The following EDIL3 variants were observed in gnomAD, a reference collection of about 807,000 sequenced individuals.
EDIL3 encodes the protein EGF-like repeat and discoidin I-like domain-containing protein 3.
EDIL3 carries 37 observed loss-of-function variants against 67.4 expected under a neutral mutation model. The ratio of observed to expected loss-of-function variants is 0.55; its 90% confidence interval spans 0.42 to 0.72. The LOEUF is 0.72. Ranked by LOEUF, EDIL3 falls within the 30% of genes least tolerant of loss-of-function variation. The pLI is 0.00. For missense variants in EDIL3, 527 were observed against 586.3 expected, an observed-to-expected ratio of 0.90 and a Z score of 1.04; for synonymous variants, 195 against 196.3, an observed-to-expected ratio of 0.99 and a Z score of 0.05.
intron 6 of EDIL3, among the ~76,000 whole-genome samples, chr5:84,082,670 ATT>A (rs919761218): frequency 6.6e-6 from 1 of 152,218 alleles, no homozygotes; most frequent in Non-Finnish European, 1.5e-5. Context: ...ATTAAATCTC[ATT>A]GTCACATTGA....
chr5:84,067,719 C>T (rs1340408756), intron 6 of EDIL3, among the ~76,000 whole-genome samples: 4 of 152,096 alleles, frequency 2.6e-5, no homozygotes, highest in East Asian at 3.9e-4. Context: ...GCCACCCTAT[C>T]GCCATTGTTT....
intron 4 of EDIL3, among the ~76,000 whole-genome samples, chr5:84,155,954 C>A (rs986788538): frequency 6.6e-6 from 1 of 152,136 alleles, no homozygotes; most frequent in African/African-American, 2.4e-5. Flanking sequence ...GTATACTTAA[C>A]TGTATACAAG....
intron 1 of EDIL3, among the ~76,000 whole-genome samples, chr5:84,335,714 T>C (rs1377288879): frequency 6.6e-6 from 1 of 152,100 alleles, no homozygotes; most frequent in Admixed American, 6.5e-5. Flanking sequence ...GGGAAGGAAG[T>C]GAAGAAAAGG....
At chr5:84,132,329 AATATATATT>A (rs1289925135) in intron 5 of EDIL3, among the ~76,000 whole-genome samples, 1 of 74,816 alleles carries the variant, frequency 1.3e-5, no homozygotes, top group African/African-American at 5.4e-5. Context: ...TATTTTATAT[AATATATATT>A]ATATATATTT....
chr5:83,958,888 G>A (rs1229520269), intron 10 of EDIL3, among the ~76,000 whole-genome samples: 2 of 151,372 alleles, frequency 1.3e-5, no homozygotes, highest in South Asian at 2.1e-4. Context: ...AATTAATGCT[G>A]TAGAGAAATA....
chr5:84,310,908 C>T (rs1746373635), intron 1 of EDIL3, among the ~76,000 whole-genome samples: 1 of 152,168 alleles, frequency 6.6e-6, no homozygotes, highest in Admixed American at 6.5e-5. Flanking sequence ...AAGGTAACCA[C>T]TTTCCTAGCT....
chr5:84,333,579 A>C (rs1013144078), intron 1 of EDIL3, among the ~76,000 whole-genome samples: 6 of 152,136 alleles, frequency 3.9e-5, no homozygotes, highest in African/African-American at 1.4e-4. Flanking sequence ...TAGAGCATAA[A>C]ATTATCTCAT....
At chr5:84,332,467 C>A (rs2133768) in intron 1 of EDIL3, among the ~76,000 whole-genome samples, 67,794 of 151,962 alleles carry the variant, frequency 0.45, 15,337 homozygotes, top group Middle Eastern at 0.51. Context: ...TTCAAGATAA[C>A]GTTCTAATTA....
At chr5:83,974,475 C>CAAAAAAAAAAAAAAAAA (rs1744846046) in intron 9 of EDIL3, among the ~76,000 whole-genome samples, 3 of 151,058 alleles carry the variant, frequency 2.0e-5, no homozygotes, top group Non-Finnish European at 3.0e-5. Context: ...CAAAGGATGA[C>CAAAAAAAAAAAAAAAAA]AATTAAAAAA....
At chr5:84,075,926 A>T (rs1439949962) in intron 6 of EDIL3, among the ~76,000 whole-genome samples, 1 of 147,584 alleles carries the variant, frequency 6.8e-6, no homozygotes, top group African/African-American at 2.5e-5. Context: ...ACAGACACAC[A>T]CTCACGTGCC....
intron 6 of EDIL3, among the ~76,000 whole-genome samples, chr5:84,067,973 A>G (rs1163101741): frequency 6.6e-6 from 1 of 152,188 alleles, no homozygotes; most frequent in African/African-American, 2.4e-5. Context: ...TCACACAACA[A>G]CTATAACCAT....
chr5:84,094,562 T>C (rs1747228242), intron 6 of EDIL3, among the ~76,000 whole-genome samples: 1 of 152,202 alleles, frequency 6.6e-6, no homozygotes. Flanking sequence ...AAATGATTTT[T>C]GTATCTGAAA....
At chr5:83,966,303 T>G (rs968917905) in intron 9 of EDIL3, among the ~76,000 whole-genome samples, 3 of 152,110 alleles carry the variant, frequency 2.0e-5, no homozygotes, top group Admixed American at 1.3e-4. Flanking sequence ...ATATAACAGG[T>G]GCTCAACAAA....
chr5:84,189,154 C>G (rs1325722782), intron 3 of EDIL3, among the ~76,000 whole-genome samples: 1 of 151,960 alleles, frequency 6.6e-6, no homozygotes, highest in Admixed American at 6.6e-5. Context: ...GTTCTCGTCA[C>G]AGAGTAGTGG....
At chr5:84,124,901 T>TAAAA (rs1747839238) in intron 5 of EDIL3, among the ~76,000 whole-genome samples, 1 of 152,022 alleles carries the variant, frequency 6.6e-6, no homozygotes. Context: ...CTAAATGAAT[T>TAAAA]GTTTTCCTTC....
chr5:83,971,900 A>C (rs1744799903), intron 9 of EDIL3, among the ~76,000 whole-genome samples: 1 of 152,082 alleles, frequency 6.6e-6, no homozygotes, highest in Non-Finnish European at 1.5e-5. Flanking sequence ...TAGAAAAGTT[A>C]TTTATTTTCT....
intron 3 of EDIL3, among the ~76,000 whole-genome samples, chr5:84,182,994 A>G (rs928215177): frequency 6.6e-6 from 1 of 152,084 alleles, no homozygotes; most frequent in African/African-American, 2.4e-5. Context: ...AATTTGAACC[A>G]TTTTCTTTCA....
chr5:83,984,488 T>C (rs937899493), intron 9 of EDIL3, among the ~76,000 whole-genome samples: 3 of 152,026 alleles, frequency 2.0e-5, no homozygotes, highest in African/African-American at 7.2e-5. Flanking sequence ...CCAAGTAGGA[T>C]TGTGGTCCAA....
intron 1 of EDIL3, among the ~76,000 whole-genome samples, chr5:84,319,098 A>G (rs931923839): frequency 6.6e-6 from 1 of 152,152 alleles, no homozygotes; most frequent in Non-Finnish European, 1.5e-5. Flanking sequence ...CAAAACCACA[A>G]TGAGATACTA....
Sources: allele counts gnomAD v4.1 joint callset (sites outside exome capture counted in the v4.1 genomes callset), GRCh38; gene constraint gnomAD v4.1.1; transcripts MANE v1.5; gene names NCBI Gene and HGNC (gene_info 2026-07-23, HGNC 2026-07-21).